Variants in RALGAPA2 observed in about 807,000 individuals in gnomAD.
RALGAPA2 encodes the protein ral GTPase-activating protein subunit alpha-2.
A neutral mutation model predicts 230.4 loss-of-function variants in RALGAPA2; 139 were observed. The ratio of observed to expected loss-of-function variants is 0.60; its 90% CI spans 0.53 to 0.69. The LOEUF (loss-of-function observed/expected upper bound fraction) is 0.69. RALGAPA2 is among the 30% of genes least tolerant of loss of function. The pLI, the probability that RALGAPA2 is intolerant of heterozygous loss-of-function variation, is 0.00. For synonymous variants in RALGAPA2, 847 were observed against 837.8 expected, an observed-to-expected ratio of 1.01 and a Z score of -0.19; for missense variants, 2,163 against 2,276.0, an observed-to-expected ratio of 0.95 and a Z score of 1.01.
At position 20,522,683 on chromosome 20, in the gene RALGAPA2, A is replaced by G. The variant is rs180772860; in HGVS notation, c.3901-1583T>C. ...AAATTCACCAGGCTTTCACTTACAGACTGATGCAGTTTTCTGGAAGCATAT... is the reference window on the plus strand; with the variant it reads ...AAATTCACCAGGCTTTCACTTACAGGCTGATGCAGTTTTCTGGAAGCATAT... On this transcript the variant is annotated intron_variant, in intron 30 of 39. Coordinates refer to ENST00000202677, the MANE Select transcript of RALGAPA2 (RefSeq NM_020343.4). Among the ~76,000 whole-genome samples, 3 of 152,318 alleles carry G rather than the reference A, an allele frequency of 2.0e-5. No individual in the cohort carries two copies. The East Asian group carries it at 5.8e-4, about 29-fold the overall frequency.
At chr20:20,503,609 T>C (rs1246229916) in intron 34 of RALGAPA2, 103 bp from the exon 35 acceptor site, 11 of 959,256 alleles carry the variant, frequency 1.1e-5, no homozygotes, top group Non-Finnish European at 1.5e-5. Context: ...TTTTCGTTTT[T>C]ATATCTTTCT....
At chr20:20,483,898 A>G (rs541517731) in intron 36 of RALGAPA2, among the ~76,000 whole-genome samples, 12 of 152,332 alleles carry the variant, frequency 7.9e-5, no homozygotes, top group Admixed American at 5.2e-4. Context: ...AGAGAGAGCT[A>G]TACGGACCTT....
chr20:20,546,682 T>A (rs750496482), intron 24 of RALGAPA2, 22 bp downstream of exon 24: 2 of 1,571,460 alleles, frequency 1.3e-6, no homozygotes, highest in Non-Finnish European at 1.7e-6. Context: ...GGAGCTGGGA[T>A]GCTGAGCATT....
chr20:20,406,011 C>T (rs2059937535), intron 38 of RALGAPA2, among the ~76,000 whole-genome samples: 1 of 152,144 alleles, frequency 6.6e-6, no homozygotes, highest in East Asian at 1.9e-4. Flanking sequence ...GGAGAGGAGA[C>T]ACACACGCAG....
At chr20:20,592,110 G>A (rs1056889885) in intron 16 of RALGAPA2, among the ~76,000 whole-genome samples, 6 of 152,192 alleles carry the variant, frequency 3.9e-5, no homozygotes, top group African/African-American at 7.2e-5. Context: ...CACCTTTTAC[G>A]TAGGTTGTTT....
chr20:20,544,929 T>C (rs1278763661), intron 24 of RALGAPA2, among the ~76,000 whole-genome samples: 1 of 152,106 alleles, frequency 6.6e-6, no homozygotes, highest in Admixed American at 6.6e-5. Context: ...AGGTGACAGG[T>C]TGATGGGTGC....
intron 13 of RALGAPA2, among the ~76,000 whole-genome samples, chr20:20,615,730 G>A (rs1377629355): frequency 6.6e-6 from 1 of 152,150 alleles, no homozygotes; most frequent in African/African-American, 2.4e-5. Context: ...AAACTCTCCT[G>A]AGCTTATGGT....
intron 24 of RALGAPA2, among the ~76,000 whole-genome samples, chr20:20,544,119 T>C (rs988267550): frequency 4.6e-5 from 7 of 151,588 alleles, no homozygotes; most frequent in Admixed American, 1.3e-4. Context: ...GTTAGAATCA[T>C]TAAAAAGTCA....
In RALGAPA2 at chr20:20,642,102, G is replaced by A. The variant is rs1031565205; in HGVS notation, c.373-1224C>T. On this transcript the variant is annotated intron_variant, in intron 5 of 39. Coordinates refer to ENST00000202677, the MANE Select transcript of RALGAPA2 (RefSeq NM_020343.4). Reference sequence around the variant, plus strand: ...AACATTACTATTCAGCCATCAGACCGAGAGGGGAGGGGAGGGGAGGGGAGG... The same window carrying A: ...AACATTACTATTCAGCCATCAGACCAAGAGGGGAGGGGAGGGGAGGGGAGG... Among the ~76,000 whole-genome samples the A allele has an allele frequency of 6.9e-5, 8 of 115,296 alleles. No homozygotes were observed. In the South Asian group the frequency reaches 2.1e-3, roughly 30 times the overall value. The allele number at this position is 115,296 out of a possible 152,430, so 75.6% of individuals were successfully genotyped here. A position where few individuals can be genotyped will look rare whatever the true frequency, so the allele number is the denominator to read the frequency against.
chr20:20,653,418 T>A (rs1385912851), intron 4 of RALGAPA2, 112 bp downstream of exon 4: 1 of 672,374 alleles, frequency 1.5e-6, no homozygotes, highest in Non-Finnish European at 2.6e-6. Flanking sequence ...TACCATACCC[T>A]TATTAATATT....
At chr20:20,394,632 A>C (rs2059669354) in intron 39 of RALGAPA2, among the ~76,000 whole-genome samples, 2 of 1,844 alleles carry the variant, frequency 1.1e-3, no homozygotes. Flanking sequence ...CCCAGTCTCA[A>C]AAAAAAAACA....
intron 32 of RALGAPA2, 92 bp downstream of exon 32, chr20:20,512,421 A>T: frequency 7.8e-7 from 1 of 1,287,950 alleles, no homozygotes; most frequent in Non-Finnish European, 1.0e-6. Flanking sequence ...CTCTTCCCCA[A>T]TCTTTTCTTC....
At chr20:20,500,475 A>C (rs1356475005) in intron 35 of RALGAPA2, among the ~76,000 whole-genome samples, 1 of 152,258 alleles carries the variant, frequency 6.6e-6, no homozygotes, top group Non-Finnish European at 1.5e-5. Context: ...TATCCATAAG[A>C]AGCAACTTTT....
At chr20:20,463,165 C>T (rs2061342074) in intron 37 of RALGAPA2, among the ~76,000 whole-genome samples, 1 of 149,996 alleles carries the variant, frequency 6.7e-6, no homozygotes, top group African/African-American at 2.5e-5. Context: ...AGTTTGTAGT[C>T]AACAGTTTAT....
At position 20,398,003 on chromosome 20, in the gene RALGAPA2, C is replaced by T. The variant is rs1569358608; in HGVS notation, c.5618-1269G>A. On this transcript the variant is annotated intron_variant, in intron 38 of 39. Coordinates refer to ENST00000202677, the MANE Select transcript of RALGAPA2 (RefSeq NM_020343.4). The surrounding 1 kb of genome is among the most constrained non-coding windows in gnomAD (Gnocchi z 4.5). Reference sequence around the variant, plus strand: ...GCTGCTGCTGACTGTTGGTCATGGGCTAGAATGTTTTCCATGGATCCTCGG... The same window carrying T: ...GCTGCTGCTGACTGTTGGTCATGGGTTAGAATGTTTTCCATGGATCCTCGG... Among the ~76,000 whole-genome samples the T allele has an allele frequency of 1.3e-5, 2 of 152,162 alleles. No individual in the cohort carries two copies. The highest frequency in any genetic ancestry group is 1.5e-5 in the Non-Finnish European group (1 of 68,032).
intron 26 of RALGAPA2, 25 bp from the exon 27 acceptor site, chr20:20,531,820 G>T: frequency 6.6e-7 from 1 of 1,508,714 alleles, no homozygotes; most frequent in Non-Finnish European, 9.0e-7. Flanking sequence ...GAAAACAGAG[G>T]AAAACTCTCA....
chr20:20,678,229 T>C (rs560011116), intron 2 of RALGAPA2, among the ~76,000 whole-genome samples: 11 of 152,302 alleles, frequency 7.2e-5, no homozygotes, highest in Admixed American at 2.6e-4. Flanking sequence ...GGCATTTTCT[T>C]TTATTCTTTT....
intron 37 of RALGAPA2, among the ~76,000 whole-genome samples, chr20:20,449,021 CAGAG>C (rs1159810848): frequency 6.6e-6 from 1 of 152,114 alleles, no homozygotes; most frequent in African/African-American, 2.4e-5. Context: ...CCTGAGGAGA[CAGAG>C]AGCTTTTCAC....
At chr20:20,529,023 C>T (rs540149232) in intron 27 of RALGAPA2, among the ~76,000 whole-genome samples, 24 of 152,298 alleles carry the variant, frequency 1.6e-4, no homozygotes, top group African/African-American at 5.3e-4. Context: ...CTCATTTCTT[C>T]GATTTATGTG....
Sources: gnomAD v4.1 joint callset for allele counts (sites outside exome capture counted in the v4.1 genomes callset) on GRCh38, gnomAD v4.1.1 for gene constraint, Gnocchi (gnomAD v3.1) non-coding constraint, MANE v1.5 for transcripts, NCBI Gene and HGNC (gene_info 2026-07-23, HGNC 2026-07-21) for gene names.